The following DCC variants were observed in gnomAD, a reference collection of about 807,000 sequenced individuals.
The protein encoded by DCC is netrin receptor DCC.
A neutral mutation model predicts 172.5 loss-of-function variants in DCC; 58 were observed. The observed-to-expected ratio is 0.34, with a 90% confidence interval of 0.27 to 0.42. The LOEUF is 0.42. Ranked by LOEUF, DCC falls within the 10% of genes least tolerant of loss-of-function variation. The pLI, the probability that DCC is intolerant of heterozygous loss-of-function variation, is 1.00. For missense variants in DCC, 1,740 were observed against 1,791.0 expected, an observed-to-expected ratio of 0.97 and a Z score of 0.51; for synonymous variants, 709 against 644.5, an observed-to-expected ratio of 1.10 and a Z score of -1.52.
chr18:52,766,675 C>T (rs1416355805), intron 2 of DCC, among the ~76,000 whole-genome samples: 1 of 152,034 alleles, frequency 6.6e-6, no homozygotes, highest in African/African-American at 2.4e-5. Context: ...CTCCAATCAT[C>T]CGGCTGCTTC....
intron 1 of DCC, among the ~76,000 whole-genome samples, chr18:52,365,296 C>G (rs759880706): frequency 6.6e-6 from 1 of 152,138 alleles, no homozygotes; most frequent in South Asian, 2.1e-4. Context: ...TTAACTAATG[C>G]TCTCATTTAT....
chr18:52,933,744 A>G (rs1045533505), intron 5 of DCC, among the ~76,000 whole-genome samples: 1 of 152,060 alleles, frequency 6.6e-6, no homozygotes, highest in African/African-American at 2.4e-5. Flanking sequence ...ATATTTGTAG[A>G]GCTTTAGGAG....
At chr18:52,528,839 G>T (rs957357576) in intron 1 of DCC, among the ~76,000 whole-genome samples, 1 of 152,058 alleles carries the variant, frequency 6.6e-6, no homozygotes, top group African/African-American at 2.4e-5. Flanking sequence ...AATTTCCTGG[G>T]ATAAAAATAC....
chr18:53,458,972 G>A (rs879415121), intron 23 of DCC, among the ~76,000 whole-genome samples: 9 of 152,094 alleles, frequency 5.9e-5, no homozygotes, highest in Admixed American at 3.9e-4. Flanking sequence ...ATCTGCAGCC[G>A]CTGAAGCTGG....
At chr18:52,982,871 G>T (rs1051698092) in intron 5 of DCC, among the ~76,000 whole-genome samples, 8 of 152,178 alleles carry the variant, frequency 5.3e-5, no homozygotes, top group Non-Finnish European at 1.0e-4. Context: ...TGCAGTTTCA[G>T]ATGCTTTCTC....
intron 1 of DCC, among the ~76,000 whole-genome samples, chr18:52,605,859 GT>G (rs1250175776): frequency 1.3e-5 from 2 of 152,106 alleles, no homozygotes; most frequent in Non-Finnish European, 1.5e-5. Flanking sequence ...TCTGACACCA[GT>G]CAGTAATCTC....
At chr18:52,711,060 C>T (rs2036284088) in intron 1 of DCC, among the ~76,000 whole-genome samples, 2 of 152,042 alleles carry the variant, frequency 1.3e-5, no homozygotes, top group Admixed American at 1.3e-4. Flanking sequence ...ACATGAAAGC[C>T]AAAGAGTTGA....
intron 12 of DCC, among the ~76,000 whole-genome samples, chr18:53,266,902 C>T (rs1393524786): frequency 1.3e-5 from 2 of 151,974 alleles, no homozygotes; most frequent in African/African-American, 4.8e-5. Flanking sequence ...ATAGACATAA[C>T]ATTTCATTTA....
At chr18:53,058,407 A>G (rs938541594) in intron 5 of DCC, among the ~76,000 whole-genome samples, 3 of 152,188 alleles carry the variant, frequency 2.0e-5, no homozygotes, top group African/African-American at 7.2e-5. Flanking sequence ...CAGAAGTGGT[A>G]TAATGAAAGT....
Position 53,392,480 on chromosome 18 carries a change from A to G in DCC, c.2688+593A>G, listed in dbSNP as rs140283360. On this transcript the variant is annotated intron_variant, in intron 17 of 28. Transcript: ENST00000442544. ...AGCTCTCTGTTCTTGTCCTTATCACAGAGTTATCTGACAACCTCTTTAAGA... is the reference window on the plus strand; with the variant it reads ...AGCTCTCTGTTCTTGTCCTTATCACGGAGTTATCTGACAACCTCTTTAAGA... 3.3e-5 allele frequency among the ~76,000 whole-genome samples: 5 copies of G among 152,292 alleles called. No homozygotes were observed. In the East Asian group the frequency reaches 7.7e-4, roughly 24 times the overall value.
At chr18:52,801,448 G>GA (rs1025044835) in intron 2 of DCC, among the ~76,000 whole-genome samples, 4 of 149,850 alleles carry the variant, frequency 2.7e-5, no homozygotes, top group East Asian at 3.9e-4. Context: ...CTTTATGGGT[G>GA]AAAAAAAAAT....
At chr18:52,752,522 G>T (rs2037014181) in intron 2 of DCC, 148 bp downstream of exon 2, 1 of 699,138 alleles carries the variant, frequency 1.4e-6, no homozygotes, top group Non-Finnish European at 2.5e-6. Flanking sequence ...ATATTTTTAT[G>T]AAGTACAATG....
At chr18:52,459,913 A>G (rs1411652496) in intron 1 of DCC, among the ~76,000 whole-genome samples, 2 of 151,802 alleles carry the variant, frequency 1.3e-5, no homozygotes, top group Non-Finnish European at 2.9e-5. Context: ...ACATATATAT[A>G]CACACATATA....
At chr18:53,334,413 A>G (rs188500775) in intron 14 of DCC, among the ~76,000 whole-genome samples, 1 of 152,152 alleles carries the variant, frequency 6.6e-6, no homozygotes, top group African/African-American at 2.4e-5. Context: ...GTTTACAATT[A>G]TGGAAAAATA....
At chr18:52,731,835 A>G (rs915842340) in intron 1 of DCC, among the ~76,000 whole-genome samples, 1 of 152,174 alleles carries the variant, frequency 6.6e-6, no homozygotes, top group Non-Finnish European at 1.5e-5. Context: ...TCAGACAATC[A>G]ATATGTTTCT....
intron 1 of DCC, among the ~76,000 whole-genome samples, chr18:52,528,827 C>G (rs1034245248): frequency 4.6e-5 from 7 of 152,082 alleles, no homozygotes; most frequent in African/African-American, 1.2e-4. Context: ...TGTTTCTGCA[C>G]AAATTTCCTG....
intron 2 of DCC, among the ~76,000 whole-genome samples, chr18:52,862,707 T>A (rs755812553): frequency 7.0e-4 from 106 of 151,872 alleles, no homozygotes; most frequent in Non-Finnish European, 1.3e-3. Context: ...TCCAAAAAAA[T>A]ATATAACTAA....
At chr18:52,892,694 G>A (rs2039668054) in intron 2 of DCC, among the ~76,000 whole-genome samples, 1 of 152,040 alleles carries the variant, frequency 6.6e-6, no homozygotes, top group African/African-American at 2.4e-5. Context: ...TTCTGGGTCA[G>A]GTTATCAAAA....
rs1211348330 is a variant in DCC, at chr18:53,534,079, T to C, written c.*3426T>C. 1 of 152,222 alleles carries C rather than the reference T, an allele frequency of 6.6e-6. No homozygotes were observed. Among genetic ancestry groups the C allele is most frequent in the Non-Finnish European group, 1.5e-5 (1 of 68,036 alleles). 9.4% of individuals were successfully genotyped at this position (152,222 alleles called of 1,614,324 possible). A position where few individuals can be genotyped will look rare whatever the true frequency, so the allele number is the denominator to read the frequency against. On this transcript the variant is annotated 3_prime_UTR_variant, in exon 29 of 29. Coordinates refer to ENST00000442544, the MANE Select transcript of DCC (RefSeq NM_005215.4). Reference sequence around the variant, plus strand: ...TACTTATCCACCCTTTGGGTACTTCTGTTGACTTTGTTTAAATAATCATCT... The same window carrying C: ...TACTTATCCACCCTTTGGGTACTTCCGTTGACTTTGTTTAAATAATCATCT...
Sources: gnomAD v4.1 joint callset for allele counts (sites outside exome capture counted in the v4.1 genomes callset) on GRCh38, gnomAD v4.1.1 for gene constraint, MANE v1.5 for transcripts, NCBI Gene and HGNC (gene_info 2026-07-23, HGNC 2026-07-21) for gene names.